Variants in HCN1 observed in about 807,000 individuals in gnomAD.
HCN1 encodes the protein potassium/sodium hyperpolarization-activated cyclic nucleotide-gated channel 1.
In HCN1, 13 loss-of-function variants were observed where a neutral mutation model predicts 78.9. That is an observed-to-expected ratio of 0.16 (90% confidence interval 0.11 to 0.26). The LOEUF (loss-of-function observed/expected upper bound fraction) is 0.26. HCN1 is among the 10% of genes least tolerant of loss of function. The pLI is 1.00. For synonymous variants in HCN1, 552 were observed against 455.5 expected, an observed-to-expected ratio of 1.21 and a Z score of -2.70; for missense variants, 810 against 1,154.3, an observed-to-expected ratio of 0.70 and a Z score of 4.32.
At chr5:45,287,451 T>C (rs1384808999) in intron 6 of HCN1, among the ~76,000 whole-genome samples, 2 of 152,084 alleles carry the variant, frequency 1.3e-5, no homozygotes, top group Admixed American at 6.6e-5. Context: ...ATAAAGATTA[T>C]ATATTCTTGT....
At chr5:45,602,725 T>C (rs1334178706) in intron 2 of HCN1, among the ~76,000 whole-genome samples, 3 of 152,152 alleles carry the variant, frequency 2.0e-5, no homozygotes, top group Non-Finnish European at 4.4e-5. Flanking sequence ...TGCAATCCAC[T>C]CTTCAGATTC....
intron 3 of HCN1, among the ~76,000 whole-genome samples, chr5:45,456,453 G>A (rs1208830240): frequency 6.6e-6 from 1 of 151,930 alleles, no homozygotes; most frequent in Non-Finnish European, 1.5e-5. Context: ...AAGACCAATT[G>A]TCTGCACTGT....
intron 2 of HCN1, among the ~76,000 whole-genome samples, chr5:45,583,491 G>C (rs187758993): frequency 2.0e-5 from 3 of 152,220 alleles, no homozygotes; most frequent in East Asian, 1.9e-4. Context: ...TGGATTGATT[G>C]AGTTTTTGAA....
At chr5:45,320,473 C>T (rs1406547926) in intron 5 of HCN1, among the ~76,000 whole-genome samples, 1 of 151,808 alleles carries the variant, frequency 6.6e-6, no homozygotes, top group Non-Finnish European at 1.5e-5. Flanking sequence ...AAATGTTTTA[C>T]AAATATTAAT....
intron 2 of HCN1, among the ~76,000 whole-genome samples, chr5:45,544,423 G>A (rs537201156): frequency 6.1e-4 from 92 of 151,918 alleles, no homozygotes; most frequent in African/African-American, 2.0e-3. Flanking sequence ...CCTCCTATTT[G>A]ACAAAGCAAA....
At chr5:45,271,359 TACACACACACAC>T (rs34016747) in intron 6 of HCN1, among the ~76,000 whole-genome samples, 52 of 137,414 alleles carry the variant, frequency 3.8e-4, no homozygotes, top group South Asian at 1.3e-3. Flanking sequence ...CTGATTCAGG[TACACACACACAC>T]ACACACACAC....
In HCN1 at chr5:45,259,794, T is replaced by A. The variant is rs1055308580; in HGVS notation, c.*2127A>T. On this transcript the variant is annotated 3_prime_UTR_variant, in exon 8 of 8. Coordinates refer to ENST00000303230, the MANE Select transcript of HCN1 (RefSeq NM_021072.4). ...ATTAATCCTATCAAATGTAAACCTT[T>A]AATAATTTAAAGGACCAATACGTAA... The A allele has an allele frequency of 6.6e-6, 1 of 152,508 alleles. No individual in the cohort carries two copies. Among genetic ancestry groups the A allele is most frequent in the African/African-American group, 2.4e-5 (1 of 41,430 alleles). 9.4% of individuals were successfully genotyped at this position (152,508 alleles called of 1,614,324 possible). A position where few individuals can be genotyped will look rare whatever the true frequency, so the allele number is the denominator to read the frequency against.
intron 4 of HCN1, among the ~76,000 whole-genome samples, chr5:45,357,181 G>T (rs1747021229): frequency 6.6e-6 from 1 of 151,842 alleles, no homozygotes; most frequent in African/African-American, 2.4e-5. Flanking sequence ...TATTCATGTT[G>T]CTGGAAAAAA....
chr5:45,303,122 G>A (rs1359689600), intron 6 of HCN1, among the ~76,000 whole-genome samples: 1 of 152,014 alleles, frequency 6.6e-6, no homozygotes, highest in African/African-American at 2.4e-5. Context: ...TACCAATTCT[G>A]GGCAATCATA....
At chr5:45,421,343 T>C (rs898389230) in intron 3 of HCN1, among the ~76,000 whole-genome samples, 3 of 152,158 alleles carry the variant, frequency 2.0e-5, no homozygotes, top group African/African-American at 7.2e-5. Flanking sequence ...ATTACAGGCG[T>C]GAGCCACCAC....
intron 6 of HCN1, among the ~76,000 whole-genome samples, chr5:45,280,223 G>A (rs2111866739): frequency 6.6e-6 from 1 of 152,158 alleles, no homozygotes; most frequent in East Asian, 1.9e-4. Flanking sequence ...TTACTATTTT[G>A]CATCATCATC....
intron 2 of HCN1, among the ~76,000 whole-genome samples, chr5:45,523,570 T>C (rs1232797830): frequency 6.6e-6 from 1 of 152,186 alleles, no homozygotes; most frequent in Non-Finnish European, 1.5e-5. Flanking sequence ...TGTGAGATGG[T>C]ATCTCATTGT....
At chr5:45,296,964 G>C (rs775214813) in intron 6 of HCN1, among the ~76,000 whole-genome samples, 25 of 151,826 alleles carry the variant, frequency 1.6e-4, no homozygotes, top group Non-Finnish European at 2.8e-4. Context: ...AGACCAGCTC[G>C]GTCAGGGAAA....
chr5:45,553,287 T>C (rs1397225574), intron 2 of HCN1, among the ~76,000 whole-genome samples: 1 of 151,734 alleles, frequency 6.6e-6, no homozygotes, highest in Non-Finnish European at 1.5e-5. Context: ...TCATTTACCG[T>C]CCCCTAGATT....
intron 2 of HCN1, among the ~76,000 whole-genome samples, chr5:45,628,019 G>A (rs1179352207): frequency 5.3e-5 from 8 of 152,156 alleles, no homozygotes; most frequent in South Asian, 2.1e-4. Flanking sequence ...AAGCATAGAC[G>A]CAAATAAATA....
intron 2 of HCN1, among the ~76,000 whole-genome samples, chr5:45,505,271 T>C (rs111591904): frequency 0.26 from 38,711 of 151,756 alleles, 5,023 homozygotes; most frequent in East Asian, 0.32. Flanking sequence ...CTTGAATTAA[T>C]TTTTGTATAA....
chr5:45,274,754 CTG>C (rs1653933978), intron 6 of HCN1, among the ~76,000 whole-genome samples: 1 of 152,180 alleles, frequency 6.6e-6, no homozygotes, highest in African/African-American at 2.4e-5. Context: ...ATTCCTTAGA[CTG>C]TGTCTTGAGG....
At chr5:45,483,822 C>T (rs1741705753) in intron 2 of HCN1, among the ~76,000 whole-genome samples, 1 of 152,136 alleles carries the variant, frequency 6.6e-6, no homozygotes, top group African/African-American at 2.4e-5. Flanking sequence ...AGTCCAGCTT[C>T]AATTTTCTGC....
At chr5:45,561,402 A>T (rs1579970066) in intron 2 of HCN1, among the ~76,000 whole-genome samples, 1 of 152,116 alleles carries the variant, frequency 6.6e-6, no homozygotes, top group African/African-American at 2.4e-5. Context: ...ATACCAAAAA[A>T]GTTCAATACC....
Sources: gnomAD v4.1 joint callset for allele counts (sites outside exome capture counted in the v4.1 genomes callset) on GRCh38, gnomAD v4.1.1 for gene constraint, MANE v1.5 for transcripts, NCBI Gene and HGNC (gene_info 2026-07-23, HGNC 2026-07-21) for gene names.